FBN3: variants seen among roughly 807,000 people sequenced by gnomAD.
The protein encoded by FBN3 is fibrillin-3.
A neutral mutation model predicts 330.1 loss-of-function variants in FBN3; 234 were observed. The ratio of observed to expected loss-of-function variants is 0.71; its 90% confidence interval spans 0.64 to 0.79. The LOEUF (loss-of-function observed/expected upper bound fraction) is 0.79. Ranked by LOEUF, FBN3 falls within the 30% of genes least tolerant of loss-of-function variation. FBN3 has a pLI of 0.00. For synonymous variants in FBN3, 1,458 were observed against 1,517.3 expected (o/e 0.96, Z 0.91); for missense variants, 3,606 against 3,886.9 (o/e 0.93, Z 1.92).
At chr19:8,088,636 T>C (rs1023537135) in intron 51 of FBN3, among the ~76,000 whole-genome samples, 3 of 152,002 alleles carry the variant, frequency 2.0e-5, no homozygotes, top group African/African-American at 7.3e-5. Context: ...AGTGAGTGAA[T>C]GGAGAAATCA....
At position 8,129,208 on chromosome 19, in the gene FBN3, C is replaced by A; in HGVS notation, c.2170+32G>T. 2 of 1,612,580 alleles carry A rather than the reference C, an allele frequency of 1.2e-6. No individual in the cohort carries two copies. Among genetic ancestry groups the A allele is most frequent in the South Asian group, 1.1e-5 (1 of 90,852 alleles). ...AGGGGTCTGCAGTGGGAGAGGCTGC[C>A]CACACATCCGCCCGCCAGGTGGCAT... On this transcript the variant is annotated intron_variant, in intron 17 of 63. Transcript: ENST00000600128. This position sits in a 1 kb window ranked among gnomAD's most constrained non-coding sequence, Gnocchi z 4.5.
chr19:8,123,434 C>T (rs2082901602), intron 24 of FBN3, 30 bp downstream of exon 24: 3 of 1,607,566 alleles, frequency 1.9e-6, no homozygotes, highest in Non-Finnish European at 2.6e-6. Flanking sequence ...AAGGATCACG[C>T]TCTCTCCAAG....
chr19:8,126,168 A>C lies in FBN3; in HGVS notation c.2605+129T>G, dbSNP rs1599403130. On this transcript the variant is annotated intron_variant, in intron 21 of 63. Transcript: ENST00000600128. ...TTTCAAGAAGGCCTGGGGACCAGGT[A>C]GGGAGAACGTCTGTCCCCATCGCAA... 3.5e-6 allele frequency: 5 copies of C among 1,409,404 alleles called. No individual in the cohort carries two copies. In the East Asian group the frequency reaches 9.6e-5, roughly 27 times the overall value. 87.3% of individuals were successfully genotyped at this position (1,409,404 alleles called of 1,614,324 possible).
intron 56 of FBN3, 63 bp downstream of exon 56, chr19:8,085,300 T>A: frequency 7.2e-7 from 1 of 1,388,708 alleles, no homozygotes; most frequent in Non-Finnish European, 9.8e-7. Flanking sequence ...TACAGACACA[T>A]GACCCTGAGC....
At chr19:8,124,680 G>A (rs1025526415) in intron 22 of FBN3, among the ~76,000 whole-genome samples, 1 of 152,064 alleles carries the variant, frequency 6.6e-6, no homozygotes, top group African/African-American at 2.4e-5. Flanking sequence ...TGGGATTACA[G>A]ACACCGCTAC....
At chr19:8,077,628 G>C (rs1363486488) in intron 59 of FBN3, among the ~76,000 whole-genome samples, 1 of 152,082 alleles carries the variant, frequency 6.6e-6, no homozygotes, top group Non-Finnish European at 1.5e-5. Flanking sequence ...GACAGAGTGA[G>C]ACTCTGTCTC....
intron 18 of FBN3, 112 bp downstream of exon 18, chr19:8,128,911 AGAGGT>A: frequency 8.1e-7 from 1 of 1,237,186 alleles, no homozygotes; most frequent in Non-Finnish European, 1.1e-6. Flanking sequence ...GTGTGTGAAT[AGAGGT>A]AACATGTAAG....
chr19:8,081,969 CTCTT>C (rs1202561121), intron 57 of FBN3, among the ~76,000 whole-genome samples: 1 of 138,660 alleles, frequency 7.2e-6, no homozygotes, highest in African/African-American at 2.6e-5. Context: ...CCTTGTTTCT[CTCTT>C]TCTTTCTTGA....
rs759862434 is a variant in FBN3, at chr19:8,123,982, G to A, written c.2758C>T (p.Arg920Ter). The change falls in exon 23 of 64, where the codon CGA becomes TGA. Residue 920 changes from arginine to a stop codon, truncating the protein, a stop_gained. Transcript: ENST00000600128. LOFTEE classifies it high-confidence loss of function. Reference sequence around the variant, plus strand: ...ACCCCACACTCATCCTCATCCCATCGCAGGAAACATGGTTCCAATCTCACA... The same window carrying A: ...ACCCCACACTCATCCTCATCCCATCACAGGAAACATGGTTCCAATCTCACA... ...VDVRLEPCFL[R>*]WDEDECGVTL... The A allele has an allele frequency of 1.9e-5, 31 of 1,613,736 alleles. No homozygotes were observed. The highest frequency in any genetic ancestry group is 4.5e-5 in the East Asian group (2 of 44,870).
At position 8,075,290 on chromosome 19, in the gene FBN3, G is replaced by A; in HGVS notation, c.7575C>T (p.Gly2525=). 2 of 1,612,948 alleles carry A rather than the reference G, an allele frequency of 1.2e-6. No individual in the cohort carries two copies. Among genetic ancestry groups the A allele is most frequent in the Non-Finnish European group, 1.7e-6 (2 of 1,179,184 alleles). ...QGFTLVSSGH[G]CEDVNECDGP... ...GCCAAAGCTGGGCTGTACCTTCACA[G>A]CCATGGCCTGAGCTGACCAGGGTGA... Residue 2525 remains glycine (G), a synonymous_variant, in exon 60 of 64, where the codon GGC becomes GGT. Coordinates refer to ENST00000600128, the MANE Select transcript of FBN3 (RefSeq NM_032447.5).
At position 8,091,474 on chromosome 19, in the gene FBN3, G is replaced by A. The variant is rs142789080; in HGVS notation, c.6022C>T (p.Arg2008Cys). ...PGFVLSDNGH[R>C]CFDTRQSFCF... Reference sequence around the variant, plus strand: ...CCCTGTGTGGACTTACCAAAGCAACGGTGCCCATTGTCAGAGAGGACAAAG... The same window carrying A: ...CCCTGTGTGGACTTACCAAAGCAACAGTGCCCATTGTCAGAGAGGACAAAG... The change falls in exon 48 of 64, where the codon CGT becomes TGT. Residue 2008 changes from arginine (R) to cysteine (C), a missense_variant. Physicochemically the swap from Arg to Cys is radical, Grantham distance 180. Transcript: ENST00000600128. 2.1e-4 allele frequency: 332 copies of A among 1,611,662 alleles called. No homozygotes were observed. The highest frequency in any genetic ancestry group is 1.5e-4 in the Non-Finnish European group (179 of 1,178,808).
intron 32 of FBN3, among the ~76,000 whole-genome samples, 167 bp from the exon 33 acceptor site, chr19:8,111,350 C>T (rs2082577688): frequency 6.6e-6 from 1 of 152,102 alleles, no homozygotes; most frequent in Admixed American, 6.5e-5. Context: ...GTGACCGAGG[C>T]AGGGACAGGG....
In FBN3 at chr19:8,121,268, C is replaced by G; in HGVS notation, c.3201G>C (p.Lys1067Asn). Residue 1067 changes from lysine (K) to asparagine (N), a missense_variant, in exon 25 of 64, where the codon AAG becomes AAC. Lys to Asn is a moderately conservative substitution (Grantham distance 94, BLOSUM62 0). Coordinates refer to ENST00000600128, the MANE Select transcript of FBN3 (RefSeq NM_032447.5). The surrounding 1 kb of genome is among the most constrained non-coding windows in gnomAD (Gnocchi z 4.5). Reference protein sequence around the residue: ...PGYESGFMLMKNCMDVDECAR... With the variant: ...PGYESGFMLMNNCMDVDECAR... ...CCGGCAGTCACCGACCCATGCAGTT[C>G]TTCATCAGCATGAAGCCACTCTCGT... is the stretch of plus-strand genomic sequence containing the variant. 1.2e-6 allele frequency: 2 copies of G among 1,607,294 alleles called. No homozygotes were observed. The highest frequency in any genetic ancestry group is 1.7e-6 in the Non-Finnish European group (2 of 1,176,258).
intron 8 of FBN3, among the ~76,000 whole-genome samples, chr19:8,139,720 C>A (rs898355260): frequency 6.6e-6 from 1 of 151,992 alleles, no homozygotes; most frequent in Non-Finnish European, 1.5e-5. Flanking sequence ...CTTCCACTTC[C>A]CACTGCGCCC....
chr19:8,094,794 T>A (rs2082175871), intron 46 of FBN3, among the ~76,000 whole-genome samples: 1 of 152,078 alleles, frequency 6.6e-6, no homozygotes, highest in Non-Finnish European at 1.5e-5. Flanking sequence ...TGGTGTCCAG[T>A]GGAAAGAGGT....
chr19:8,133,184 C>T, intron 13 of FBN3, 78 bp from the exon 14 acceptor site: 1 of 1,470,722 alleles, frequency 6.8e-7, no homozygotes, highest in East Asian at 2.5e-5. Flanking sequence ...GGCTCCAGGG[C>T]TGACCCCCCA....
At chr19:8,128,774 T>G (rs1327455189) in intron 18 of FBN3, among the ~76,000 whole-genome samples, 1 of 152,106 alleles carries the variant, frequency 6.6e-6, no homozygotes, top group Non-Finnish European at 1.5e-5. Flanking sequence ...AACGTGCATG[T>G]CTGAGTGTGG....
chr19:8,116,812 G>C lies in FBN3; in HGVS notation c.3587-13C>G. 1 of 1,612,718 alleles carries C rather than the reference G, an allele frequency of 6.2e-7. No individual in the cohort carries two copies. The highest frequency in any genetic ancestry group is 1.7e-4 in the Middle Eastern group (1 of 6,028). ...CACTCGTCCACGTCTGGGGGAGCAGGGTTGGGGACTGTGCTTAGCTTTGCC... is the reference window on the plus strand; with the variant it reads ...CACTCGTCCACGTCTGGGGGAGCAGCGTTGGGGACTGTGCTTAGCTTTGCC... On this transcript the variant is annotated splice_polypyrimidine_tract_variant and intron_variant, in intron 28 of 63. Transcript: ENST00000600128.
At chr19:8,073,624 G>A (rs1444745608) in intron 61 of FBN3, among the ~76,000 whole-genome samples, 1 of 152,224 alleles carries the variant, frequency 6.6e-6, no homozygotes, top group South Asian at 2.1e-4. Flanking sequence ...TGCACTGTGG[G>A]ACATTGAACA....
Sources: allele counts gnomAD v4.1 joint callset (sites outside exome capture counted in the v4.1 genomes callset), GRCh38; gene constraint gnomAD v4.1.1; non-coding constraint Gnocchi (gnomAD v3.1); transcripts MANE v1.5; gene names NCBI Gene and HGNC (gene_info 2026-07-23, HGNC 2026-07-21).